Variants in GPHN observed in about 807,000 individuals in gnomAD.
The protein encoded by GPHN is gephyrin.
In GPHN, 17 loss-of-function variants were observed where a neutral mutation model predicts 95.5. The observed-to-expected ratio is 0.18, with a 90% confidence interval of 0.12 to 0.27. GPHN has a LOEUF of 0.27. Among genes scored for constraint, GPHN ranks in the 10% least tolerant of loss-of-function variants. The pLI is 1.00. For missense variants in GPHN, 660 were observed against 978.1 expected, an observed-to-expected ratio of 0.67 and a Z score of 4.34; for synonymous variants, 320 against 322.5, an observed-to-expected ratio of 0.99 and a Z score of 0.08.
intron 18 of GPHN, among the ~76,000 whole-genome samples, chr14:67,148,571 T>TTG (rs1406382388): frequency 6.8e-6 from 1 of 146,796 alleles, no homozygotes; most frequent in East Asian, 2.0e-4. Flanking sequence ...TTTTTTTTTT[T>TTG]TTTTTTTGAG....
At chr14:66,614,200 CTA>C (rs2062901172) in intron 1 of GPHN, among the ~76,000 whole-genome samples, 1 of 152,006 alleles carries the variant, frequency 6.6e-6, no homozygotes, top group Non-Finnish European at 1.5e-5. Flanking sequence ...CTTTTTATAA[CTA>C]TATTAATTTG....
chr14:67,549,912 G>A, the GPHN span, among the ~76,000 whole-genome samples: 2 of 152,192 alleles, frequency 1.3e-5, no homozygotes, highest in Non-Finnish European at 2.9e-5. Flanking sequence ...GCCCACATGT[G>A]ATTCTTACGC....
chr14:66,965,437 G>GA, intron 9 of GPHN, 112 bp downstream of exon 9: 1 of 993,554 alleles, frequency 1.0e-6, no homozygotes, highest in East Asian at 2.4e-5. Context: ...ATTACACTGT[G>GA]AAAAATGAAT....
At chr14:67,253,342 A>G in the GPHN span, among the ~76,000 whole-genome samples, 49 of 152,344 alleles carry the variant, frequency 3.2e-4, no homozygotes, top group Non-Finnish European at 5.6e-4. Flanking sequence ...ATGAATAATT[A>G]TAATTGTATG....
chr14:66,513,330 A>G (rs753746313), intron 1 of GPHN, among the ~76,000 whole-genome samples: 4 of 151,830 alleles, frequency 2.6e-5, no homozygotes, highest in African/African-American at 4.8e-5. Context: ...TTTTAAATAC[A>G]TTAAAAACAC....
intron 1 of GPHN, among the ~76,000 whole-genome samples, chr14:66,521,286 T>C (rs1185233922): frequency 6.6e-6 from 1 of 152,044 alleles, no homozygotes; most frequent in Non-Finnish European, 1.5e-5. Context: ...GACATTTGTA[T>C]ATAAACTTCC....
the GPHN span, chr14:67,360,339 A>G: frequency 5.0e-6 from 2 of 397,448 alleles, no homozygotes; most frequent in Non-Finnish European, 8.9e-6. Context: ...TGCGCGGTGG[A>G]GTGAGCGAAG....
At chr14:67,580,676 T>C in the GPHN span, among the ~76,000 whole-genome samples, 10 of 152,232 alleles carry the variant, frequency 6.6e-5, no homozygotes, top group Non-Finnish European at 1.2e-4. Context: ...GCCTAGCCTC[T>C]GGGGAGGCCC....
chr14:67,223,936 A>T, the GPHN span: 4 of 985,210 alleles, frequency 4.1e-6, no homozygotes, highest in Non-Finnish European at 4.8e-6. Context: ...AGTACAAATT[A>T]AAAATGAGTC....
intron 1 of GPHN, among the ~76,000 whole-genome samples, chr14:66,628,689 T>A: frequency 6.6e-6 from 1 of 152,258 alleles, no homozygotes; most frequent in South Asian, 2.1e-4. Flanking sequence ...TTTAGCTTAC[T>A]TTAATTTTTT....
chr14:67,208,580 G>A, the GPHN span: 2 of 994,240 alleles, frequency 2.0e-6, no homozygotes, highest in Non-Finnish European at 2.9e-6. Flanking sequence ...GTAACTGAAT[G>A]ATGATATAGT....
At chr14:66,658,106 A>G (rs2065411221) in intron 1 of GPHN, among the ~76,000 whole-genome samples, 1 of 152,112 alleles carries the variant, frequency 6.6e-6, no homozygotes, top group Admixed American at 6.5e-5. Flanking sequence ...TCGACCCTTT[A>G]TGGATCAGTT....
At chr14:66,609,663 A>T (rs1380169489) in intron 1 of GPHN, among the ~76,000 whole-genome samples, 1 of 152,086 alleles carries the variant, frequency 6.6e-6, no homozygotes, top group Non-Finnish European at 1.5e-5. Context: ...GTCTAAGTTG[A>T]ATTGAAAGAA....
At chr14:66,584,478 G>C (rs1157040757) in intron 1 of GPHN, among the ~76,000 whole-genome samples, 2 of 152,130 alleles carry the variant, frequency 1.3e-5, no homozygotes, top group African/African-American at 4.8e-5. Flanking sequence ...TTTTCAAAGG[G>C]AATGCTTCCA....
At chr14:66,805,835 G>A (rs1007319829) in intron 3 of GPHN, among the ~76,000 whole-genome samples, 2 of 152,152 alleles carry the variant, frequency 1.3e-5, no homozygotes, top group Non-Finnish European at 2.9e-5. Flanking sequence ...GGCATTGAGT[G>A]TCTGTGGCTT....
At chr14:66,590,890 C>T (rs1208903861) in intron 1 of GPHN, among the ~76,000 whole-genome samples, 1 of 151,770 alleles carries the variant, frequency 6.6e-6, no homozygotes, top group Non-Finnish European at 1.5e-5. Context: ...ATATGAACAT[C>T]AATGCAAAAA....
intron 5 of GPHN, among the ~76,000 whole-genome samples, chr14:66,898,434 A>G (rs1486002444): frequency 1.5e-5 from 2 of 130,382 alleles, no homozygotes; most frequent in Non-Finnish European, 3.1e-5. Flanking sequence ...GTTTTTGTGT[A>G]TGAACGACCA....
At chr14:67,377,749 T>C in the GPHN span, among the ~76,000 whole-genome samples, 1 of 152,026 alleles carries the variant, frequency 6.6e-6, no homozygotes, top group African/African-American at 2.4e-5. Context: ...ATTTATACTA[T>C]AAAACCCACT....
rs761670163 is a variant in GPHN at position 67,113,033 on chromosome 14, C to T, written c.1488C>T (p.Asp496=). The part of the protein sequence containing the change: ...PGQDIRPIGH[D]IKRGECVLAK... The stretch of plus-strand genomic sequence containing the variant: ...TGACTTTCAGACCCATCGGCCATGA[C>T]ATTAAAAGAGGGGAATGTGTTTTGG... Residue 496 remains aspartate, a synonymous_variant, in exon 16 of 23, where the codon GAC becomes GAT. Transcript: ENST00000478722. 66 of 1,613,664 alleles carry T rather than the reference C, an allele frequency of 4.1e-5. No individual in the cohort carries two copies. The East Asian group carries it at 1.4e-3, about 34-fold the overall frequency.
Sources: gnomAD v4.1 joint callset for allele counts (sites outside exome capture counted in the v4.1 genomes callset) on GRCh38, gnomAD v4.1.1 for gene constraint, MANE v1.5 for transcripts, NCBI Gene and HGNC (gene_info 2026-07-23, HGNC 2026-07-21) for gene names.